Variants in GPC5 observed in about 807,000 individuals in gnomAD.
The protein encoded by GPC5 is glypican-5.
GPC5 carries 47 observed loss-of-function variants against 53.9 expected under a neutral mutation model. That is an observed-to-expected ratio of 0.87 (90% confidence interval 0.69 to 1.11). GPC5 has a LOEUF of 1.11. GPC5 is among the 50% of genes most tolerant of loss of function. The pLI is 0.00. For synonymous variants in GPC5, 286 were observed against 263.3 expected, an observed-to-expected ratio of 1.09 and a Z score of -0.84; for missense variants, 748 against 713.1, an observed-to-expected ratio of 1.05 and a Z score of -0.56.
chr13:91,857,967 C>T (rs9560869), intron 5 of GPC5, among the ~76,000 whole-genome samples: 4,780 of 151,252 alleles, frequency 0.032, 271 homozygotes, highest in East Asian at 0.22. Flanking sequence ...ACAGCAAACC[C>T]CAGTTAATTA....
chr13:91,968,830 A>G (rs2040214311), intron 6 of GPC5, among the ~76,000 whole-genome samples: 1 of 152,072 alleles, frequency 6.6e-6, no homozygotes, highest in Non-Finnish European at 1.5e-5. Flanking sequence ...GGTATGTTCT[A>G]TTAGATTGTT....
At chr13:91,563,778 C>G (rs1477278058) in intron 2 of GPC5, among the ~76,000 whole-genome samples, 1 of 152,086 alleles carries the variant, frequency 6.6e-6, no homozygotes, top group Non-Finnish European at 1.5e-5. Context: ...TTTCCCTTCA[C>G]TCTGACCAAT....
At chr13:91,756,892 AAG>A (rs976683891) in intron 5 of GPC5, among the ~76,000 whole-genome samples, 9 of 151,134 alleles carry the variant, frequency 6.0e-5, no homozygotes, top group African/African-American at 9.7e-5. Flanking sequence ...GCATGCAAGA[AAG>A]AGAGAGAGAG....
chr13:92,759,910 G>A (rs541168134), intron 7 of GPC5, among the ~76,000 whole-genome samples: 2 of 152,150 alleles, frequency 1.3e-5, no homozygotes, highest in South Asian at 2.1e-4. Context: ...ACAGTTAAGA[G>A]TTTTTATCAA....
chr13:92,305,526 CA>C (rs1157810640), intron 7 of GPC5, among the ~76,000 whole-genome samples: 8 of 151,864 alleles, frequency 5.3e-5, no homozygotes, highest in Non-Finnish European at 1.2e-4. Context: ...ATGGAAATTT[CA>C]CGGACTGTAA....
chr13:91,903,401 A>C (rs1477728038), intron 5 of GPC5, among the ~76,000 whole-genome samples: 1 of 152,102 alleles, frequency 6.6e-6, no homozygotes, highest in African/African-American at 2.4e-5. Context: ...TATATGCCCA[A>C]GGTCATAGAA....
intron 6 of GPC5, among the ~76,000 whole-genome samples, chr13:91,992,039 T>C (rs1219224778): frequency 6.6e-6 from 1 of 152,196 alleles, no homozygotes; most frequent in Non-Finnish European, 1.5e-5. Context: ...CTTTTGATTT[T>C]TTAATTTTTA....
chr13:92,150,612 A>G (rs1230345682), intron 7 of GPC5, among the ~76,000 whole-genome samples: 1 of 152,066 alleles, frequency 6.6e-6, no homozygotes, highest in African/African-American at 2.4e-5. Context: ...GTATTAATAT[A>G]TTTAAATAGT....
chr13:91,834,186 A>G (rs1453476093), intron 5 of GPC5, among the ~76,000 whole-genome samples: 1 of 152,164 alleles, frequency 6.6e-6, no homozygotes, highest in Non-Finnish European at 1.5e-5. Flanking sequence ...TTCAACTTAC[A>G]AGGGATGTGA....
At chr13:92,738,628 TTGA>T (rs1889002797) in intron 7 of GPC5, among the ~76,000 whole-genome samples, 1 of 152,130 alleles carries the variant, frequency 6.6e-6, no homozygotes, top group Non-Finnish European at 1.5e-5. Flanking sequence ...AAGCTTTTTG[TTGA>T]TAAGACCAAC....
chr13:91,769,610 C>A (rs1056170507), intron 5 of GPC5, among the ~76,000 whole-genome samples: 3 of 152,154 alleles, frequency 2.0e-5, no homozygotes, highest in Non-Finnish European at 4.4e-5. Context: ...GAAGGGAAAT[C>A]AGCGTGTGTG....
chr13:92,828,740 AGTGTTCC>A (rs1877939997), intron 7 of GPC5, among the ~76,000 whole-genome samples: 1 of 152,132 alleles, frequency 6.6e-6, no homozygotes, highest in Admixed American at 6.6e-5. Context: ...AAGTTAGCAT[AGTGTTCC>A]GCCTCACATT....
intron 6 of GPC5, among the ~76,000 whole-genome samples, chr13:92,030,392 C>T (rs1051123429): frequency 1.3e-5 from 2 of 151,752 alleles, no homozygotes; most frequent in African/African-American, 4.8e-5. Flanking sequence ...TGATGTAATC[C>T]CTCATTATTT....
chr13:91,771,562 A>G (rs553916582), intron 5 of GPC5, among the ~76,000 whole-genome samples: 1 of 152,172 alleles, frequency 6.6e-6, no homozygotes, highest in Non-Finnish European at 1.5e-5. Flanking sequence ...TAAAATGAAG[A>G]ATATAATTTT....
chr13:92,809,585 G>A (rs1034077948), intron 7 of GPC5, among the ~76,000 whole-genome samples: 7 of 152,256 alleles, frequency 4.6e-5, no homozygotes, highest in African/African-American at 1.7e-4. Flanking sequence ...CATGTTCCAC[G>A]TACATTCACA....
At chr13:91,803,952 A>G (rs2038178429) in intron 5 of GPC5, among the ~76,000 whole-genome samples, 1 of 152,172 alleles carries the variant, frequency 6.6e-6, no homozygotes, top group South Asian at 2.1e-4. Flanking sequence ...CAATGCAGTG[A>G]AAGAGACACA....
chr13:91,859,477 A>C (rs1471576583), intron 5 of GPC5, among the ~76,000 whole-genome samples: 2 of 151,998 alleles, frequency 1.3e-5, no homozygotes, highest in African/African-American at 4.8e-5. Context: ...TGATACATAT[A>C]GACATTGAAA....
intron 6 of GPC5, among the ~76,000 whole-genome samples, chr13:91,993,574 TG>T (rs1205900746): frequency 1.3e-5 from 2 of 152,242 alleles, no homozygotes; most frequent in Admixed American, 6.5e-5. Flanking sequence ...CATGTAATTC[TG>T]GTAAGTTCCA....
At chr13:91,648,946 T>A (rs1404019699) in intron 2 of GPC5, among the ~76,000 whole-genome samples, 1 of 152,132 alleles carries the variant, frequency 6.6e-6, no homozygotes. Context: ...GAATTGTAGT[T>A]CCCATAATCC....
Sources: gnomAD v4.1 joint callset for allele counts (sites outside exome capture counted in the v4.1 genomes callset) on GRCh38, gnomAD v4.1.1 for gene constraint, MANE v1.5 for transcripts, NCBI Gene and HGNC (gene_info 2026-07-23, HGNC 2026-07-21) for gene names.